The following NECTIN3 variants were observed in gnomAD, a reference collection of about 807,000 sequenced individuals.
NECTIN3 encodes nectin-3.
A neutral mutation model predicts 49.4 loss-of-function variants in NECTIN3; 8 were observed. The ratio of observed to expected loss-of-function variants is 0.16; its 90% CI spans 0.10 to 0.29. NECTIN3 has a LOEUF of 0.29. Among genes scored for constraint, NECTIN3 ranks in the 10% least tolerant of loss-of-function variants. NECTIN3 has a pLI of 1.00. For synonymous variants in NECTIN3, 277 were observed against 241.1 expected (o/e 1.15, Z -1.38); for missense variants, 581 against 654.6 (o/e 0.89, Z 1.23).
At chr3:111,072,670 C>G in intron 1 of NECTIN3, 1 of 1,244,740 alleles carries the variant, frequency 8.0e-7, no homozygotes, top group South Asian at 1.4e-5. Flanking sequence ...TTAGCCCACC[C>G]AGCCGCAGAA....
At chr3:111,162,867 C>G (rs2035241885) in intron 7 of NECTIN3, among the ~76,000 whole-genome samples, 1 of 152,158 alleles carries the variant, frequency 6.6e-6, no homozygotes, top group South Asian at 2.1e-4. Context: ...AAAGCTATTG[C>G]CACATGTTTT....
At chr3:111,120,661 G>T (rs2033907173) in intron 3 of NECTIN3, among the ~76,000 whole-genome samples, 1 of 151,958 alleles carries the variant, frequency 6.6e-6, no homozygotes, top group Non-Finnish European at 1.5e-5. Context: ...CCTGGCAGAG[G>T]TAAAGACTGA....
At chr3:111,125,491 C>T (rs1051576211) in intron 4 of NECTIN3, among the ~76,000 whole-genome samples, 3 of 152,114 alleles carry the variant, frequency 2.0e-5, no homozygotes, top group African/African-American at 7.2e-5. Flanking sequence ...TAGTGGGACT[C>T]TACATGGTTT....
At chr3:111,103,179 A>T (rs999823403) in intron 1 of NECTIN3, among the ~76,000 whole-genome samples, 2 of 152,170 alleles carry the variant, frequency 1.3e-5, no homozygotes, top group African/African-American at 2.4e-5. Context: ...TGCTAGCCAC[A>T]AAATAACTTG....
At chr3:111,103,180 A>G (rs772981753) in intron 1 of NECTIN3, among the ~76,000 whole-genome samples, 58 of 152,282 alleles carry the variant, frequency 3.8e-4, no homozygotes, top group Non-Finnish European at 6.0e-4. Flanking sequence ...GCTAGCCACA[A>G]AATAACTTGC....
chr3:111,108,026 G>C, intron 1 of NECTIN3, among the ~76,000 whole-genome samples: 1 of 151,894 alleles, frequency 6.6e-6, no homozygotes, highest in East Asian at 1.9e-4. Flanking sequence ...AAGGTTTAAG[G>C]GTTGAATCAA....
At chr3:111,118,397 G>A (rs1235293344) in intron 2 of NECTIN3, among the ~76,000 whole-genome samples, 1 of 150,672 alleles carries the variant, frequency 6.6e-6, no homozygotes, top group African/African-American at 2.4e-5. Context: ...GGAATTCATC[G>A]TTCCCTAAAG....
At chr3:111,156,691 A>C (rs888196962) in intron 7 of NECTIN3, among the ~76,000 whole-genome samples, 4 of 152,182 alleles carry the variant, frequency 2.6e-5, no homozygotes, top group African/African-American at 9.6e-5. Flanking sequence ...GCAACCTGTC[A>C]GATAACTTTC....
intron 7 of NECTIN3, among the ~76,000 whole-genome samples, chr3:111,181,872 T>A (rs977862939): frequency 3.3e-5 from 5 of 152,040 alleles, no homozygotes; most frequent in African/African-American, 1.2e-4. Context: ...GCTTGTTTAT[T>A]GATTTTTCAC....
chr3:111,082,339 G>T (rs141447446), intron 1 of NECTIN3, among the ~76,000 whole-genome samples: 364 of 152,186 alleles, frequency 2.4e-3, no homozygotes, highest in African/African-American at 8.3e-3. Context: ...TGAGGTATTT[G>T]CATTGAATGA....
chr3:111,188,607 C>T (rs557679615), upstream of NECTIN3, among the ~76,000 whole-genome samples: 4 of 152,306 alleles, frequency 2.6e-5, no homozygotes, highest in African/African-American at 9.6e-5. Context: ...TGTTATTACT[C>T]ATAAAGCTAT....
At chr3:111,087,956 C>T (rs766040906) in intron 1 of NECTIN3, among the ~76,000 whole-genome samples, 2 of 152,048 alleles carry the variant, frequency 1.3e-5, no homozygotes, top group Non-Finnish European at 2.9e-5. Flanking sequence ...CCTCAGCCTC[C>T]CAAAGTGTTG....
chr3:111,101,101 G>A (rs552952454), intron 1 of NECTIN3, among the ~76,000 whole-genome samples: 18 of 152,170 alleles, frequency 1.2e-4, no homozygotes, highest in Admixed American at 5.2e-4. Flanking sequence ...TCTATAAAAT[G>A]AGGTTATATC....
intron 7 of NECTIN3, among the ~76,000 whole-genome samples, chr3:111,154,441 A>G (rs2035059188): frequency 6.6e-6 from 1 of 152,170 alleles, no homozygotes; most frequent in Non-Finnish European, 1.5e-5. Flanking sequence ...GGACTATTAC[A>G]AACAAAGTTG....
At chr3:111,183,878 C>G (rs2035672270) in intron 7 of NECTIN3, among the ~76,000 whole-genome samples, 1 of 151,990 alleles carries the variant, frequency 6.6e-6, no homozygotes. Flanking sequence ...GTTCACTGAG[C>G]TTCATAGTAC....
At chr3:111,121,052 G>C (rs2033930639) in intron 3 of NECTIN3, among the ~76,000 whole-genome samples, 1 of 147,222 alleles carries the variant, frequency 6.8e-6, no homozygotes, top group Non-Finnish European at 1.5e-5. Flanking sequence ...GCCCAGGCTG[G>C]AGTGCAGTGG....
rs749556162 is a variant in NECTIN3 at position 111,112,355 on chromosome 3, A to C, written c.486A>C (p.Thr162=). The change falls in exon 2 of 6, where the codon ACA becomes ACC. Residue 162 remains threonine, a synonymous_variant. Transcript: ENST00000485303. ...TFPLGNAQSS[T]TVTVLVEPTV... ...CGCTTGGAAATGCCCAGTCCTCTAC[A>C]ACTGTAACTGTGTTAGGTAGGTATG... The C allele has an allele frequency of 3.1e-6, 5 of 1,598,334 alleles. No individual in the cohort carries two copies. The African/African-American group carries it at 6.7e-5, about 21-fold the overall frequency.
chr3:111,139,110 T>C (rs2034676810), downstream of NECTIN3, among the ~76,000 whole-genome samples: 2 of 151,708 alleles, frequency 1.3e-5, no homozygotes, highest in Admixed American at 1.3e-4. Flanking sequence ...ATAATCCTTC[T>C]TGATATTATT....
At chr3:111,127,890 A>G (rs1205613334) in intron 5 of NECTIN3, among the ~76,000 whole-genome samples, 11 of 152,148 alleles carry the variant, frequency 7.2e-5, no homozygotes, top group Non-Finnish European at 1.0e-4. Flanking sequence ...GAGGTTACAT[A>G]TTAGTATATT....
Sources: allele counts gnomAD v4.1 joint callset (sites outside exome capture counted in the v4.1 genomes callset), GRCh38; gene constraint gnomAD v4.1.1; transcripts MANE v1.5; gene names NCBI Gene and HGNC (gene_info 2026-07-23, HGNC 2026-07-21).